Variants in TIAM1 observed in about 807,000 individuals in gnomAD.
TIAM1 encodes the protein rho guanine nucleotide exchange factor TIAM1.
Under a neutral mutation model 163.5 loss-of-function variants are expected in TIAM1, and 65 were observed. The observed-to-expected ratio is 0.40, with a 90% CI of 0.33 to 0.49. The LOEUF (loss-of-function observed/expected upper bound fraction) is 0.49. TIAM1 is among the 20% of genes least tolerant of loss of function. The pLI is 0.77. For missense variants in TIAM1, 1,789 were observed against 2,044.7 expected (o/e 0.87, Z 2.41); for synonymous variants, 833 against 810.1 (o/e 1.03, Z -0.48).
intron 2 of TIAM1, among the ~76,000 whole-genome samples, chr21:31,365,632 C>T (rs993943602): frequency 6.6e-6 from 1 of 151,640 alleles, no homozygotes; most frequent in Non-Finnish European, 1.5e-5. Flanking sequence ...ACCTCGTGAT[C>T]CACCTGCCTC....
At chr21:31,477,699 C>G (rs1254141138) in intron 1 of TIAM1, among the ~76,000 whole-genome samples, 1 of 152,066 alleles carries the variant, frequency 6.6e-6, no homozygotes, top group Non-Finnish European at 1.5e-5. Context: ...TAGTCTCAAA[C>G]TCTAAATGCA....
At chr21:31,489,520 A>AGGGAGGG (rs2046391572) in intron 1 of TIAM1, among the ~76,000 whole-genome samples, 7 of 105,876 alleles carry the variant, frequency 6.6e-5, no homozygotes, top group Admixed American at 2.0e-4. Flanking sequence ...GGAGGGAAGG[A>AGGGAGGG]AGGGAGGGAG....
intron 1 of TIAM1, among the ~76,000 whole-genome samples, chr21:31,508,087 C>T (rs1409564913): frequency 2.6e-5 from 4 of 152,094 alleles, no homozygotes; most frequent in African/African-American, 9.7e-5. Context: ...ACAGGAAGGA[C>T]GCAGCTGCAC....
At position 31,266,918 on chromosome 21, in the gene TIAM1, C is replaced by CATG. The variant is rs1186487755; in HGVS notation, c.52_54dup (p.His18dup). Reference sequence around the variant, plus strand: ...GAAGTGTGCTTGCGCCCCAGGCTGGCATGCTTTTCTCCATAAAACTCGTGC... The same window carrying CATG: ...GAAGTGTGCTTGCGCCCCAGGCTGGCATGATGCTTTTCTCCATAAAACTCGTGC... On this transcript the variant is annotated inframe_insertion, in exon 4 of 28. Coordinates refer to ENST00000541036, the MANE Select transcript of TIAM1 (RefSeq NM_001353694.2). 1.9e-6 allele frequency: 3 copies of CATG among 1,611,632 alleles called. No homozygotes were observed. In the African/African-American group the frequency reaches 4.0e-5, roughly 22 times the overall value.
intron 26 of TIAM1, 62 bp from the exon 27 acceptor site, chr21:31,124,756 G>A (rs1257182839): frequency 6.5e-6 from 9 of 1,393,340 alleles, no homozygotes; most frequent in African/African-American, 1.4e-5. Context: ...GAACTTCTAA[G>A]GTTATCAGGT....
intron 2 of TIAM1, among the ~76,000 whole-genome samples, chr21:31,332,794 C>CAAA (rs563454311): frequency 6.3e-4 from 83 of 130,852 alleles, no homozygotes; most frequent in African/African-American, 2.2e-3. Flanking sequence ...CAATGATCTA[C>CAAA]AAAAAAAAAA....
intron 1 of TIAM1, among the ~76,000 whole-genome samples, chr21:31,496,648 G>A (rs1262892675): frequency 6.6e-6 from 1 of 151,916 alleles, no homozygotes; most frequent in Non-Finnish European, 1.5e-5. Flanking sequence ...TAGCCTAAGT[G>A]TCCAATATTT....
intron 1 of TIAM1, among the ~76,000 whole-genome samples, chr21:31,543,635 C>A (rs570217046): frequency 2.6e-5 from 4 of 152,152 alleles, no homozygotes; most frequent in Admixed American, 6.5e-5. Flanking sequence ...TAGATTTTGA[C>A]GTGCAGAAAT....
At chr21:31,121,200 G>A (rs940985596) in intron 27 of TIAM1, among the ~76,000 whole-genome samples, 8 of 152,170 alleles carry the variant, frequency 5.3e-5, no homozygotes, top group African/African-American at 1.9e-4. Context: ...CAAGTAGACA[G>A]ACCACTGATT....
chr21:31,541,709 A>C (rs1459301806), intron 1 of TIAM1, among the ~76,000 whole-genome samples: 1 of 152,248 alleles, frequency 6.6e-6, no homozygotes, highest in East Asian at 1.9e-4. Flanking sequence ...TTATATAAAA[A>C]GTACATCCAA....
At chr21:31,423,651 G>A (rs2043665452) in intron 2 of TIAM1, among the ~76,000 whole-genome samples, 1 of 123,134 alleles carries the variant, frequency 8.1e-6, no homozygotes, top group Non-Finnish European at 1.6e-5. Flanking sequence ...AACTCATGGT[G>A]ATAAATGAAT....
intron 2 of TIAM1, among the ~76,000 whole-genome samples, chr21:31,443,409 G>A (rs1349782725): frequency 6.6e-6 from 1 of 152,244 alleles, no homozygotes; most frequent in Admixed American, 6.5e-5. Context: ...CTGTATGTCA[G>A]TGGTTTAATT....
At chr21:31,475,123 C>T (rs992767746) in intron 1 of TIAM1, among the ~76,000 whole-genome samples, 3 of 151,538 alleles carry the variant, frequency 2.0e-5, no homozygotes, top group African/African-American at 7.3e-5. Flanking sequence ...TTGATCACAG[C>T]TCACTGCAGC....
chr21:31,275,626 C>T (rs570441052), intron 3 of TIAM1, among the ~76,000 whole-genome samples: 23 of 152,316 alleles, frequency 1.5e-4, no homozygotes, highest in African/African-American at 5.3e-4. Context: ...ATTATAAAAT[C>T]TCAATGGCAG....
intron 2 of TIAM1, among the ~76,000 whole-genome samples, chr21:31,414,499 C>A (rs1035472998): frequency 2.0e-5 from 3 of 152,164 alleles, no homozygotes; most frequent in Admixed American, 6.5e-5. Flanking sequence ...GAGGTGGGAG[C>A]AACGGCCCCT....
At chr21:31,183,469 G>T (rs1418175780) in intron 14 of TIAM1, among the ~76,000 whole-genome samples, 1 of 152,112 alleles carries the variant, frequency 6.6e-6, no homozygotes, top group Non-Finnish European at 1.5e-5. Flanking sequence ...GAGAGAAAAG[G>T]AGCCCAATTT....
At chr21:31,451,718 C>CGTGTGTGTGT (rs59110882) in intron 2 of TIAM1, among the ~76,000 whole-genome samples, 122 of 142,264 alleles carry the variant, frequency 8.6e-4, no homozygotes, top group African/African-American at 2.7e-3. Flanking sequence ...CATGTGTGTG[C>CGTGTGTGTGT]GTGTGTGTGT....
intron 2 of TIAM1, among the ~76,000 whole-genome samples, chr21:31,379,392 T>C (rs2076740585): frequency 6.6e-6 from 1 of 152,140 alleles, no homozygotes; most frequent in African/African-American, 2.4e-5. Flanking sequence ...ATTAATGAAA[T>C]AACATCAATG....
intron 2 of TIAM1, among the ~76,000 whole-genome samples, chr21:31,336,689 G>A (rs1186571766): frequency 1.3e-5 from 2 of 152,016 alleles, no homozygotes; most frequent in African/African-American, 4.8e-5. Flanking sequence ...TTCAGGGAGA[G>A]CTCAGAAGGG....
Sources: gnomAD v4.1 joint callset for allele counts (sites outside exome capture counted in the v4.1 genomes callset) on GRCh38, gnomAD v4.1.1 for gene constraint, MANE v1.5 for transcripts, NCBI Gene and HGNC (gene_info 2026-07-23, HGNC 2026-07-21) for gene names.